ZFYVE26: variants seen among roughly 807,000 people sequenced by gnomAD.
ZFYVE26 encodes the protein zinc finger FYVE domain-containing protein 26.
In ZFYVE26, 181 loss-of-function variants were observed where a neutral mutation model predicts 276.5. The ratio of observed to expected loss-of-function variants is 0.65; its 90% CI spans 0.58 to 0.74. ZFYVE26 has a LOEUF of 0.74. Ranked by LOEUF, ZFYVE26 falls within the 30% of genes least tolerant of loss-of-function variation. The probability of loss-of-function intolerance (pLI) is 0.00; values close to 1 mark genes in which losing one functional copy is unlikely to be tolerated. For synonymous variants in ZFYVE26, 1,129 were observed against 1,203.1 expected, an observed-to-expected ratio of 0.94 and a Z score of 1.27; for missense variants, 2,821 against 3,097.9, an observed-to-expected ratio of 0.91 and a Z score of 2.12.
chr14:67,802,341 T>C (rs2040095056), intron 9 of ZFYVE26, 59 bp from the exon 10 acceptor site: 1 of 1,561,248 alleles, frequency 6.4e-7, no homozygotes, highest in Non-Finnish European at 8.8e-7. Flanking sequence ...GATGCAAGTA[T>C]GGGTGAAGCA....
rs1158320830 is a variant in ZFYVE26 at position 67,753,719 on chromosome 14, G to A, written c.7176C>T (p.Phe2392=). Residue 2392 remains phenylalanine, a synonymous_variant, in exon 39 of 42, where the codon TTC becomes TTT. Coordinates refer to ENST00000347230, the MANE Select transcript of ZFYVE26 (RefSeq NM_015346.4). ...ATCCAAGTCATACCTGCAGAACACG[G>A]AAAGCAATTCCAAAACCATCTTCTA... ...KNVEDGFGIA[F]RVLQDFQLDA... is the part of the protein sequence containing the mutation. 2 of 1,613,690 alleles carry A rather than the reference G, an allele frequency of 1.2e-6. No homozygotes were observed.
chr14:67,766,639 A>T (rs1394093328), intron 31 of ZFYVE26, among the ~76,000 whole-genome samples, 192 bp from the exon 32 acceptor site: 1 of 152,164 alleles, frequency 6.6e-6, no homozygotes, highest in Non-Finnish European at 1.5e-5. Flanking sequence ...GCACTGCCAA[A>T]ACTCTGGCTT....
At position 67,807,861 on chromosome 14, in the gene ZFYVE26, C is replaced by T. The variant is rs1376149768; in HGVS notation, c.423G>A (p.Arg141=). The change falls in exon 5 of 42, where the codon AGG becomes AGA. Residue 141 remains arginine, a synonymous_variant. Coordinates refer to ENST00000347230, the MANE Select transcript of ZFYVE26 (RefSeq NM_015346.4). The stretch of plus-strand genomic sequence containing the variant: ...TGAGACGAGGAGTCCAGCTCTCCCT[C>T]CTTGGATTTCCGTCAGGCACGTGGC... ...AVGHVPDGNP[R]RESWTPRLSS... 1.9e-6 allele frequency: 3 copies of T among 1,613,886 alleles called. No homozygotes were observed. The Admixed American group carries it at 5.0e-5, about 27-fold the overall frequency.
intron 30 of ZFYVE26, 66 bp from the exon 31 acceptor site, chr14:67,767,906 G>A: frequency 1.2e-6 from 2 of 1,610,282 alleles, no homozygotes; most frequent in African/African-American, 1.3e-5. Context: ...CCAGTCCAGT[G>A]AGCTGGCATG....
At chr14:67,805,865 C>A (rs2040169785) in intron 6 of ZFYVE26, among the ~76,000 whole-genome samples, 1 of 152,030 alleles carries the variant, frequency 6.6e-6, no homozygotes, top group Admixed American at 6.5e-5. Context: ...CCTATCTCTA[C>A]TAAAAATAGA....
chr14:67,770,710 T>TAGTAGGCATGTCA (rs2047813566), intron 28 of ZFYVE26, among the ~76,000 whole-genome samples: 2 of 152,166 alleles, frequency 1.3e-5, no homozygotes, highest in African/African-American at 4.8e-5. Context: ...GCCTGGAACA[T>TAGTAGGCATGTCA]ATACAGTAGG....
At position 67,768,521 on chromosome 14, in the gene ZFYVE26, T is replaced by G. The variant is rs934241128; in HGVS notation, c.5649A>C (p.Pro1883=). 1.6e-5 allele frequency: 26 copies of G among 1,614,064 alleles called. No individual in the cohort carries two copies. The highest frequency in any genetic ancestry group is 2.2e-5 in the Non-Finnish European group (26 of 1,180,010). The part of the protein sequence containing the change: ...KDVPEEPSEK[P]EALDSSKNES... The stretch of plus-strand genomic sequence containing the variant: ...GAGAACGGGATTTGGCCTTACCTTC[T>G]GGTTTTTCTGAAGGCTCCTCTGGTA... Residue 1883 remains proline, a synonymous_variant, in exon 30 of 42, where the codon CCA becomes CCC. Coordinates refer to ENST00000347230, the MANE Select transcript of ZFYVE26 (RefSeq NM_015346.4).
At chr14:67,757,024 C>T (rs1399403860) in intron 35 of ZFYVE26, among the ~76,000 whole-genome samples, 5 of 152,032 alleles carry the variant, frequency 3.3e-5, no homozygotes, top group Non-Finnish European at 7.4e-5. Context: ...TCATCTTTTC[C>T]CTCACACTCC....
exon 14 of ZFYVE26, chr14:67,729,337 G>A (rs767385752): frequency 7.5e-6 from 12 of 1,598,458 alleles, no homozygotes; most frequent in Non-Finnish European, 1.0e-5. Flanking sequence ...CCTGCACTGC[G>A]CCCTGGCTGA....
At chr14:67,762,467 T>A in intron 33 of ZFYVE26, 55 bp from the exon 34 acceptor site, 1 of 1,571,166 alleles carries the variant, frequency 6.4e-7, no homozygotes, top group Non-Finnish European at 8.7e-7. Flanking sequence ...GGCCTAAATG[T>A]CCCAAAGACC....
intron 21 of ZFYVE26, 137 bp from the exon 22 acceptor site, chr14:67,781,666 C>T (rs1172053913): frequency 1.3e-5 from 10 of 782,356 alleles, no homozygotes; most frequent in Non-Finnish European, 1.9e-5. Flanking sequence ...TGGATGTGAT[C>T]TTAACTAGTT....
chr14:67,809,433 T>TA, intron 3 of ZFYVE26, 144 bp from the exon 4 acceptor site: 1 of 625,728 alleles, frequency 1.6e-6, no homozygotes, highest in Non-Finnish European at 2.6e-6. Flanking sequence ...TTTTTTTTTT[T>TA]TTATTTTGAG....
chr14:67,785,805 G>A, intron 18 of ZFYVE26, 53 bp downstream of exon 18: 2 of 1,612,270 alleles, frequency 1.2e-6, no homozygotes, highest in Non-Finnish European at 1.7e-6. Context: ...ACTCTCAGCT[G>A]TTTCCTCTCC....
chr14:67,729,642 AAAG>A (rs1471255091), exon 14 of ZFYVE26: 2 of 613,916 alleles, frequency 3.3e-6, no homozygotes, highest in East Asian at 3.0e-5. Flanking sequence ...GAAAGCTTTT[AAAG>A]AAGACTGTCG....
Position 67,761,397 on chromosome 14 carries a change from A to G in ZFYVE26, c.6557T>C (p.Leu2186Pro). Residue 2186 changes from leucine to proline, a missense_variant, in exon 35 of 42, where the codon CTG becomes CCG. Leu to Pro is a moderately conservative substitution (Grantham distance 98). Coordinates refer to ENST00000347230, the MANE Select transcript of ZFYVE26 (RefSeq NM_015346.4). Reference sequence around the variant, plus strand: ...GAGAAGGTGCAGAAGAGCTTCCCGCAGGCAGCTGTGCCTCACGTAGAAGCT... The same window carrying G: ...GAGAAGGTGCAGAAGAGCTTCCCGCGGGCAGCTGTGCCTCACGTAGAAGCT... The part of the protein sequence containing the change: ...IISFYVRHSC[L>P]REALLHLLNK... 1.2e-6 allele frequency: 2 copies of G among 1,613,844 alleles called. No homozygotes were observed. Among genetic ancestry groups the G allele is most frequent in the Non-Finnish European group, 1.7e-6 (2 of 1,179,872 alleles).
At chr14:67,752,960 C>G (rs2038687789) in intron 39 of ZFYVE26, among the ~76,000 whole-genome samples, 1 of 152,142 alleles carries the variant, frequency 6.6e-6, no homozygotes, top group Non-Finnish European at 1.5e-5. Context: ...CAGATAAACA[C>G]CTTAAACCTG....
At chr14:67,811,663 A>T (rs2040304720) in intron 3 of ZFYVE26, among the ~76,000 whole-genome samples, 1 of 151,670 alleles carries the variant, frequency 6.6e-6, no homozygotes. Context: ...ATGTATGTCC[A>T]GTTAGTCTTA....
At chr14:67,809,092 A>G in intron 4 of ZFYVE26, 108 bp downstream of exon 4, 1 of 977,628 alleles carries the variant, frequency 1.0e-6, no homozygotes, top group Non-Finnish European at 1.6e-6. Context: ...TTGCCTGAGA[A>G]CAAAGTATGG....
chr14:67,786,261 G>GAAAAAAAA (rs757797866), intron 16 of ZFYVE26, 28 bp from the exon 17 acceptor site: 5,521 of 514,868 alleles, frequency 0.011, 156 homozygotes, highest in East Asian at 0.1. Context: ...AAGAGGGAAT[G>GAAAAAAAA]CAAAAAAAAA....
Sources: allele counts gnomAD v4.1 joint callset (sites outside exome capture counted in the v4.1 genomes callset), GRCh38; gene constraint gnomAD v4.1.1; transcripts MANE v1.5; gene names NCBI Gene and HGNC (gene_info 2026-07-23, HGNC 2026-07-21).